The following PTPRT variants were observed in gnomAD, a reference collection of about 807,000 sequenced individuals.
PTPRT encodes protein tyrosine phosphatase receptor type T.
In PTPRT, 56 loss-of-function variants were observed where a neutral mutation model predicts 176.8. The ratio of observed to expected loss-of-function variants is 0.32; its 90% CI spans 0.26 to 0.40. The LOEUF (loss-of-function observed/expected upper bound fraction) is 0.40, where lower values mean the gene tolerates loss of function less well. PTPRT is among the 10% of genes least tolerant of loss of function. The probability of loss-of-function intolerance (pLI) is 1.00; values close to 1 mark genes in which losing one functional copy is unlikely to be tolerated. For synonymous variants in PTPRT, 783 were observed against 739.0 expected, an observed-to-expected ratio of 1.06 and a Z score of -0.96; for missense variants, 1,540 against 1,908.2, an observed-to-expected ratio of 0.81 and a Z score of 3.60.
At chr20:42,842,577 G>C (rs1446627826) in intron 2 of PTPRT, among the ~76,000 whole-genome samples, 3 of 151,852 alleles carry the variant, frequency 2.0e-5, no homozygotes, top group Admixed American at 6.6e-5. Flanking sequence ...GCACCACCAT[G>C]CCCAACAAAT....
intron 19 of PTPRT, among the ~76,000 whole-genome samples, chr20:42,125,344 C>G (rs1400710098): frequency 6.6e-6 from 1 of 152,002 alleles, no homozygotes; most frequent in Non-Finnish European, 1.5e-5. Context: ...AGTAATTTAC[C>G]CAAGATCATA....
At chr20:42,277,824 T>C (rs1364664714) in intron 13 of PTPRT, among the ~76,000 whole-genome samples, 1 of 151,464 alleles carries the variant, frequency 6.6e-6, no homozygotes, top group Non-Finnish European at 1.5e-5. Context: ...AATCCTGACA[T>C]GTAACTTGCA....
intron 1 of PTPRT, among the ~76,000 whole-genome samples, chr20:42,947,705 T>C (rs1289154167): frequency 1.3e-5 from 2 of 152,202 alleles, no homozygotes; most frequent in African/African-American, 4.8e-5. Context: ...CCAAACTTCT[T>C]GCAAGAATTG....
intron 28 of PTPRT, 84 bp downstream of exon 28, chr20:42,085,644 C>G: frequency 6.4e-7 from 1 of 1,562,134 alleles, no homozygotes; most frequent in East Asian, 2.2e-5. Flanking sequence ...AGACTCTTGG[C>G]TGGCTCAGCG....
intron 9 of PTPRT, among the ~76,000 whole-genome samples, chr20:42,378,998 T>C (rs2145625245): frequency 6.6e-6 from 1 of 152,302 alleles, no homozygotes; most frequent in East Asian, 1.9e-4. Flanking sequence ...AAGGCAACCA[T>C]TCCCCACTTG....
intron 12 of PTPRT, among the ~76,000 whole-genome samples, chr20:42,298,018 T>C (rs1430740721): frequency 6.6e-6 from 1 of 152,132 alleles, no homozygotes; most frequent in Non-Finnish European, 1.5e-5. Flanking sequence ...AAAAAAATGA[T>C]TCATCTGACA....
rs533690315 is a variant in PTPRT at position 42,097,945 on chromosome 20, C to G, written c.3846+476G>C. Among the ~76,000 whole-genome samples, 3 of 152,312 alleles carry G rather than the reference C, an allele frequency of 2.0e-5. No individual in the cohort carries two copies. The East Asian group carries it at 5.8e-4, about 29-fold the overall frequency. ...GGGAACAAAGGTCAACCGTGAGGAA[C>G]TGGGGCTTGGTGGGGTGGTCAGTGG... On this transcript the variant is annotated intron_variant, in intron 27 of 30. Transcript: ENST00000373187.
intron 15 of PTPRT, among the ~76,000 whole-genome samples, chr20:42,213,794 T>C (rs2146752880): frequency 6.6e-6 from 1 of 152,212 alleles, no homozygotes; most frequent in East Asian, 1.9e-4. Flanking sequence ...ATTTAGAGTC[T>C]CAGAGGGAGC....
At chr20:42,712,551 A>C (rs1413605950) in intron 6 of PTPRT, among the ~76,000 whole-genome samples, 1 of 152,200 alleles carries the variant, frequency 6.6e-6, no homozygotes, top group South Asian at 2.1e-4. Context: ...CCTCAAAAAC[A>C]GACTATCAGC....
chr20:42,577,522 A>C (rs2073282455), intron 7 of PTPRT, among the ~76,000 whole-genome samples: 1 of 152,222 alleles, frequency 6.6e-6, no homozygotes, highest in Non-Finnish European at 1.5e-5. Flanking sequence ...AGAGTAAATA[A>C]GATGATACTG....
chr20:42,682,418 G>A (rs765533820), intron 6 of PTPRT, among the ~76,000 whole-genome samples: 2 of 152,152 alleles, frequency 1.3e-5, no homozygotes, highest in African/African-American at 2.4e-5. Context: ...ACCATCAGAT[G>A]CTTGAATTCC....
chr20:42,143,875 C>A (rs1988744904), intron 17 of PTPRT, among the ~76,000 whole-genome samples: 1 of 152,230 alleles, frequency 6.6e-6, no homozygotes, highest in Admixed American at 6.5e-5. Context: ...GGGCACATCT[C>A]ATGCCTTAGA....
intron 1 of PTPRT, among the ~76,000 whole-genome samples, chr20:43,013,226 T>G (rs1985215204): frequency 1.3e-5 from 2 of 152,158 alleles, no homozygotes; most frequent in Non-Finnish European, 2.9e-5. Context: ...CCTCTGAACA[T>G]GCCTGGTCTA....
intron 13 of PTPRT, chr20:42,270,344 C>A: frequency 2.0e-6 from 3 of 1,493,812 alleles, no homozygotes; most frequent in Non-Finnish European, 2.7e-6. Context: ...CTGGAGGACC[C>A]ACTGAGTGTG....
intron 2 of PTPRT, among the ~76,000 whole-genome samples, chr20:42,847,214 G>T (rs1194468327): frequency 6.6e-6 from 1 of 152,184 alleles, no homozygotes; most frequent in Non-Finnish European, 1.5e-5. Flanking sequence ...GGGATGGAAG[G>T]GATTAGGGGA....
At chr20:42,568,560 ATTCAAT>A (rs1286434017) in intron 7 of PTPRT, among the ~76,000 whole-genome samples, 1 of 152,194 alleles carries the variant, frequency 6.6e-6, no homozygotes, top group African/African-American at 2.4e-5. Context: ...ATAAAAATAA[ATTCAAT>A]TTCTTCCATG....
At chr20:42,553,164 T>C (rs1399783615) in intron 7 of PTPRT, among the ~76,000 whole-genome samples, 1 of 152,156 alleles carries the variant, frequency 6.6e-6, no homozygotes, top group Non-Finnish European at 1.5e-5. Flanking sequence ...TAATGGAAAA[T>C]TGGAAGTAGC....
intron 2 of PTPRT, among the ~76,000 whole-genome samples, chr20:42,819,394 G>C (rs2077849538): frequency 6.6e-6 from 1 of 152,174 alleles, no homozygotes; most frequent in Admixed American, 6.5e-5. Flanking sequence ...AAGAGATCCT[G>C]AAAGAAGCAC....
the PTPRT span, among the ~76,000 whole-genome samples, chr20:42,045,237 G>C: frequency 1.3e-5 from 2 of 152,044 alleles, no homozygotes; most frequent in Non-Finnish European, 1.5e-5. Context: ...CTACCAGAGA[G>C]AGTACTGTTA....
Sources: allele counts gnomAD v4.1 joint callset (sites outside exome capture counted in the v4.1 genomes callset), GRCh38; gene constraint gnomAD v4.1.1; transcripts MANE v1.5; gene names NCBI Gene and HGNC (gene_info 2026-07-23, HGNC 2026-07-21).